GLRB: variants seen among roughly 807,000 people sequenced by gnomAD.
GLRB encodes glycine receptor subunit beta.
GLRB carries 33 observed loss-of-function variants against 54.2 expected under a neutral mutation model. The ratio of observed to expected loss-of-function variants is 0.61; its 90% CI spans 0.46 to 0.81. The LOEUF is 0.81. GLRB is among the 40% of genes least tolerant of loss of function. The pLI, the probability that GLRB is intolerant of heterozygous loss-of-function variation, is 0.00. For synonymous variants in GLRB, 209 were observed against 208.2 expected, an observed-to-expected ratio of 1.00 and a Z score of -0.03; for missense variants, 572 against 584.6, an observed-to-expected ratio of 0.98 and a Z score of 0.22.
chr4:157,106,802 G>A (rs1439021956), intron 2 of GLRB, among the ~76,000 whole-genome samples: 4 of 152,008 alleles, frequency 2.6e-5, no homozygotes, highest in African/African-American at 9.7e-5. Context: ...CCAACTTGCC[G>A]ATAGCCTATC....
At chr4:157,152,403 C>G (rs1352690580) in intron 8 of GLRB, among the ~76,000 whole-genome samples, 1 of 152,086 alleles carries the variant, frequency 6.6e-6, no homozygotes, top group Non-Finnish European at 1.5e-5. Context: ...GTGGCTTCCT[C>G]AGAGATACTA....
chr4:157,124,995 A>G lies in GLRB; in HGVS notation c.297+2598A>G, dbSNP rs190881253. On this transcript the variant is annotated intron_variant, in intron 4 of 9. Transcript: ENST00000264428. ...TCAGTCTTCTCAAGGCAAATGCTGT[A>G]ATACCTTGTTGTTTAATAGTTAGGA... Among the ~76,000 whole-genome samples the G allele has an allele frequency of 7.2e-5, 11 of 152,034 alleles. No homozygotes were observed. In the East Asian group the frequency reaches 2.1e-3, roughly 30 times the overall value.
intron 2 of GLRB, among the ~76,000 whole-genome samples, chr4:157,102,384 C>T (rs568536336): frequency 1.1e-4 from 17 of 152,186 alleles, no homozygotes; most frequent in African/African-American, 3.1e-4. Flanking sequence ...TTCTGCTCTC[C>T]GCTTCTATAG....
intron 7 of GLRB, 62 bp from the exon 8 acceptor site, chr4:157,143,745 T>C (rs779070146): frequency 6.6e-6 from 10 of 1,508,730 alleles, no homozygotes; most frequent in African/African-American, 1.4e-5. Context: ...AGGTCTGTCA[T>C]TGATGTTTGC....
intron 3 of GLRB, among the ~76,000 whole-genome samples, chr4:157,121,257 TATCACACCTTTTA>T (rs938377933): frequency 1.3e-5 from 2 of 151,730 alleles, no homozygotes; most frequent in African/African-American, 4.8e-5. Context: ...TATTACCATT[TATCACACCTTTTA>T]AAAACCAAAA....
chr4:157,089,170 A>C (rs1410602799), intron 2 of GLRB, among the ~76,000 whole-genome samples: 1 of 152,158 alleles, frequency 6.6e-6, no homozygotes, highest in East Asian at 1.9e-4. Flanking sequence ...TGGGAGGATC[A>C]CTTGAGCCCA....
chr4:157,119,202 ATAGAG>A (rs1197484656), intron 2 of GLRB, among the ~76,000 whole-genome samples: 3 of 151,636 alleles, frequency 2.0e-5, no homozygotes, highest in Non-Finnish European at 4.4e-5. Context: ...CTCTTATAGT[ATAGAG>A]TATTTTACTT....
At chr4:157,169,608 G>A (rs1213442356) in intron 9 of GLRB, among the ~76,000 whole-genome samples, 1 of 151,874 alleles carries the variant, frequency 6.6e-6, no homozygotes, top group Non-Finnish European at 1.5e-5. Flanking sequence ...TCTGCATTTG[G>A]ATGTAAATTC....
intron 7 of GLRB, among the ~76,000 whole-genome samples, chr4:157,142,908 A>G (rs1350802552): frequency 6.6e-6 from 1 of 152,198 alleles, no homozygotes; most frequent in Non-Finnish European, 1.5e-5. Flanking sequence ...GTTAACTGAA[A>G]AGAGCAAACA....
At chr4:157,159,758 C>A (rs911725614) in intron 9 of GLRB, among the ~76,000 whole-genome samples, 4 of 152,146 alleles carry the variant, frequency 2.6e-5, no homozygotes, top group Non-Finnish European at 5.9e-5. Context: ...AGGATTTTGG[C>A]ATTGATGTTC....
At chr4:157,163,270 C>A (rs1297251157) in intron 9 of GLRB, among the ~76,000 whole-genome samples, 1 of 152,156 alleles carries the variant, frequency 6.6e-6, no homozygotes, top group Non-Finnish European at 1.5e-5. Flanking sequence ...AATTCCCCAA[C>A]CCCTTGCACT....
chr4:157,130,489 A>AT (rs59797668), intron 4 of GLRB, among the ~76,000 whole-genome samples: 4 of 151,618 alleles, frequency 2.6e-5, no homozygotes, highest in Non-Finnish European at 5.9e-5. Flanking sequence ...CTAAGTAATA[A>AT]TTTTGAACAA....
chr4:157,101,404 A>T (rs537590732), intron 2 of GLRB, among the ~76,000 whole-genome samples: 1 of 152,094 alleles, frequency 6.6e-6, no homozygotes, highest in Non-Finnish European at 1.5e-5. Flanking sequence ...TGGCAGATAC[A>T]TAAGAACATT....
intron 2 of GLRB, among the ~76,000 whole-genome samples, chr4:157,117,966 G>A (rs1735666016): frequency 6.6e-6 from 1 of 151,634 alleles, no homozygotes; most frequent in African/African-American, 2.4e-5. Flanking sequence ...ATTTTACAAA[G>A]AAGATGAGGT....
At chr4:157,159,266 G>A (rs949382132) in intron 9 of GLRB, among the ~76,000 whole-genome samples, 2 of 152,272 alleles carry the variant, frequency 1.3e-5, no homozygotes, top group African/African-American at 4.8e-5. Flanking sequence ...ATACAATCAT[G>A]TCATCTGCAA....
intron 2 of GLRB, 115 bp from the exon 3 acceptor site, chr4:157,120,441 C>T: frequency 2.5e-6 from 1 of 406,654 alleles, no homozygotes; most frequent in Admixed American, 3.5e-5. Context: ...AAGAAAAAGC[C>T]ATACTATAGT....
chr4:157,111,757 T>G (rs1735427562), intron 2 of GLRB, among the ~76,000 whole-genome samples: 1 of 151,992 alleles, frequency 6.6e-6, no homozygotes, highest in African/African-American at 2.4e-5. Flanking sequence ...TAGAGTCATA[T>G]GCAGTCCCTC....
chr4:157,122,943 G>C (rs980695156), intron 4 of GLRB, among the ~76,000 whole-genome samples: 1 of 151,690 alleles, frequency 6.6e-6, no homozygotes, highest in Non-Finnish European at 1.5e-5. Context: ...GGCAGGTGAA[G>C]ACTGGGAAGG....
intron 4 of GLRB, among the ~76,000 whole-genome samples, chr4:157,125,088 C>A (rs912401258): frequency 3.2e-4 from 48 of 151,760 alleles, no homozygotes; most frequent in African/African-American, 1.2e-3. Flanking sequence ...TTCATCTAGA[C>A]AACACTTCAT....
Sources: gnomAD v4.1 joint callset for allele counts (sites outside exome capture counted in the v4.1 genomes callset) on GRCh38, gnomAD v4.1.1 for gene constraint, MANE v1.5 for transcripts, NCBI Gene and HGNC (gene_info 2026-07-23, HGNC 2026-07-21) for gene names.